The following GRB10 variants were observed in gnomAD, a reference collection of about 807,000 sequenced individuals.
The protein encoded by GRB10 is growth factor receptor-bound protein 10.
Under a neutral mutation model 80.9 loss-of-function variants are expected in GRB10, and 20 were observed. The observed-to-expected ratio is 0.25, with a 90% CI of 0.17 to 0.36. The LOEUF is 0.36. GRB10 is among the 10% of genes least tolerant of loss of function. The probability of loss-of-function intolerance (pLI) is 1.00; values close to 1 mark genes in which losing one functional copy is unlikely to be tolerated. For missense variants in GRB10, 548 were observed against 747.7 expected, an observed-to-expected ratio of 0.73 and a Z score of 3.12; for synonymous variants, 291 against 291.5, an observed-to-expected ratio of 1.00 and a Z score of 0.02.
intron 2 of GRB10, among the ~76,000 whole-genome samples, chr7:50,777,344 G>A (rs949475129): frequency 6.6e-6 from 1 of 150,902 alleles, no homozygotes; most frequent in South Asian, 2.1e-4. Flanking sequence ...CCTCCTAAAG[G>A]CCCCACCTCT....
intron 7 of GRB10, chr7:50,645,785 A>G (rs6974769): frequency 0.89 from 185,260 of 208,536 alleles, 82,526 homozygotes; most frequent in African/African-American, 0.94. Context: ...GCCTGGACAC[A>G]GTCCCCTCAC....
intron 2 of GRB10, among the ~76,000 whole-genome samples, chr7:50,757,241 T>C (rs2075213873): frequency 6.6e-6 from 1 of 152,218 alleles, no homozygotes; most frequent in Non-Finnish European, 1.5e-5. Flanking sequence ...TGGGGTTCAG[T>C]GTTCCCAGCT....
At chr7:50,672,755 T>A (rs766989947) in intron 6 of GRB10, among the ~76,000 whole-genome samples, 1 of 152,180 alleles carries the variant, frequency 6.6e-6, no homozygotes, top group Non-Finnish European at 1.5e-5. Flanking sequence ...ACCTTCGCCA[T>A]GCAACTGCAC....
chr7:50,617,926 C>A (rs538058857), intron 10 of GRB10, 145 bp downstream of exon 10: 34 of 755,370 alleles, frequency 4.5e-5, no homozygotes, highest in Middle Eastern at 4.6e-4. Flanking sequence ...AACCCTCCCC[C>A]CAACCACCCC....
chr7:50,792,108 G>A (rs1001927962), intron 1 of GRB10, among the ~76,000 whole-genome samples: 1 of 152,094 alleles, frequency 6.6e-6, no homozygotes, highest in Non-Finnish European at 1.5e-5. Context: ...GAAACTCGGG[G>A]GCTCCAAACG....
At chr7:50,666,249 A>AG (rs2059786745) in intron 7 of GRB10, among the ~76,000 whole-genome samples, 1 of 152,322 alleles carries the variant, frequency 6.6e-6, no homozygotes, top group East Asian at 1.9e-4. Flanking sequence ...TCACGAGAGC[A>AG]GGGCCCACTT....
intron 5 of GRB10, among the ~76,000 whole-genome samples, chr7:50,693,780 G>A (rs926484834): frequency 6.6e-6 from 1 of 152,100 alleles, no homozygotes; most frequent in African/African-American, 2.4e-5. Flanking sequence ...ACACGATGCA[G>A]AGGAGACAGA....
chr7:50,789,318 C>T (rs1338254443), intron 1 of GRB10, among the ~76,000 whole-genome samples: 4 of 152,228 alleles, frequency 2.6e-5, no homozygotes, highest in African/African-American at 4.8e-5. Context: ...ACAAGGCTGA[C>T]GGCAAAGTGC....
chr7:50,711,336 C>T (rs1168113480), intron 4 of GRB10, among the ~76,000 whole-genome samples: 1 of 152,008 alleles, frequency 6.6e-6, no homozygotes, highest in Non-Finnish European at 1.5e-5. Flanking sequence ...CCTACACGAC[C>T]CACCATCCGG....
intron 18 of GRB10, among the ~76,000 whole-genome samples, 186 bp downstream of exon 18, chr7:50,595,251 T>C (rs887928987): frequency 4.6e-5 from 7 of 152,212 alleles, no homozygotes; most frequent in African/African-American, 1.7e-4. Context: ...TTCAGGATTA[T>C]TTCCAGGGAA....
At chr7:50,633,042 A>T (rs1310307623) in intron 7 of GRB10, among the ~76,000 whole-genome samples, 1 of 152,152 alleles carries the variant, frequency 6.6e-6, no homozygotes, top group East Asian at 1.9e-4. Context: ...CACATCAACA[A>T]AGGCCAAAAA....
At chr7:50,745,641 G>A (rs17549133) in intron 3 of GRB10, among the ~76,000 whole-genome samples, 14 of 152,116 alleles carry the variant, frequency 9.2e-5, no homozygotes, top group Non-Finnish European at 1.8e-4. Flanking sequence ...TTGGGAAAAC[G>A]GCTAGAACTT....
intron 2 of GRB10, among the ~76,000 whole-genome samples, chr7:50,776,471 T>G (rs955733980): frequency 6.6e-6 from 1 of 152,156 alleles, no homozygotes; most frequent in Non-Finnish European, 1.5e-5. Context: ...TCCTCTCACC[T>G]TGGCCTCTCA....
intron 7 of GRB10, among the ~76,000 whole-genome samples, chr7:50,641,087 A>T (rs1463212497): frequency 6.6e-6 from 1 of 151,044 alleles, no homozygotes; most frequent in Non-Finnish European, 1.5e-5. Flanking sequence ...GTTGCTGGGA[A>T]CAATTTTTTT....
At chr7:50,640,763 G>T (rs950821614) in intron 7 of GRB10, among the ~76,000 whole-genome samples, 3 of 152,218 alleles carry the variant, frequency 2.0e-5, no homozygotes, top group African/African-American at 7.2e-5. Context: ...ATATCCAGGA[G>T]TATGAGCTGA....
At position 50,592,785 on chromosome 7, in the gene GRB10, G is replaced by A. The variant is rs757330111; in HGVS notation, c.*167C>T. ...GCTGGGTTCACAGCAGCAAATCGTC[G>A]TTTAAGTCCAACAAACTAGTCAATC... is the stretch of plus-strand genomic sequence containing the variant. On this transcript the variant is annotated 3_prime_UTR_variant, in exon 19 of 19. Coordinates refer to ENST00000401949, the MANE Select transcript of GRB10 (RefSeq NM_001350814.2). 12 of 799,690 alleles carry A rather than the reference G, an allele frequency of 1.5e-5. No homozygotes were observed. Among genetic ancestry groups the A allele is most frequent in the South Asian group, 3.2e-5 (2 of 62,570 alleles). The allele number at this position is 799,690 out of a possible 1,614,324, so 49.5% of individuals were successfully genotyped here.
chr7:50,634,393 G>A (rs746523826), intron 7 of GRB10, among the ~76,000 whole-genome samples: 12 of 152,104 alleles, frequency 7.9e-5, no homozygotes, highest in Non-Finnish European at 1.6e-4. Flanking sequence ...TCTCAAAGGA[G>A]TTATAAAAAT....
chr7:50,653,558 C>T (rs1171798457), intron 7 of GRB10, among the ~76,000 whole-genome samples: 1 of 152,198 alleles, frequency 6.6e-6, no homozygotes, highest in Non-Finnish European at 1.5e-5. Context: ...AGGCTCTGCA[C>T]AACTGCCCTG....
chr7:50,627,815 A>G (rs1338749945), intron 7 of GRB10, among the ~76,000 whole-genome samples: 2 of 152,240 alleles, frequency 1.3e-5, no homozygotes, highest in Non-Finnish European at 2.9e-5. Flanking sequence ...TTAAATTGCG[A>G]CTGCCTCTTG....
Sources: gnomAD v4.1 joint callset for allele counts (sites outside exome capture counted in the v4.1 genomes callset) on GRCh38, gnomAD v4.1.1 for gene constraint, MANE v1.5 for transcripts, NCBI Gene and HGNC (gene_info 2026-07-23, HGNC 2026-07-21) for gene names.